The following DMD variants were observed in gnomAD, a reference collection of about 807,000 sequenced individuals.
The protein encoded by DMD is mutant dystrophin.
In DMD, 63 loss-of-function variants were observed where a neutral mutation model predicts 330.1. That is an observed-to-expected ratio of 0.19 (90% confidence interval 0.16 to 0.24). The LOEUF (loss-of-function observed/expected upper bound fraction) is 0.24, where lower values mean the gene tolerates loss of function less well. DMD is among the 10% of genes least tolerant of loss of function. DMD has a pLI of 1.00. For synonymous variants in DMD, 1,223 were observed against 959.8 expected, an observed-to-expected ratio of 1.27 and a Z score of -5.07; for missense variants, 3,344 against 2,684.1, an observed-to-expected ratio of 1.25 and a Z score of -5.43.
At chrX:32,691,084 A>G (rs1358182316) in intron 9 of DMD, among the ~76,000 whole-genome samples, 1 of 111,365 alleles carries the variant, frequency 9.0e-6, no homozygotes, top group Non-Finnish European at 1.9e-5. Flanking sequence ...ATATATTATG[A>G]GAATTATTTC....
At chrX:32,394,003 A>C (rs2098022462) in intron 30 of DMD, among the ~76,000 whole-genome samples, 1 of 111,927 alleles carries the variant, frequency 8.9e-6, no homozygotes, top group Admixed American at 9.5e-5. Context: ...GCACTCTAAT[A>C]AAAATAGTTT....
intron 44 of DMD, chrX:32,206,207 G>A: frequency 2.0e-6 from 1 of 512,229 alleles, no homozygotes; most frequent in Non-Finnish European, 3.6e-6. Context: ...GTGGTTCAGG[G>A]CCAGTGCATG....
chrX:32,357,337 G>A (rs1023346371), intron 37 of DMD, among the ~76,000 whole-genome samples: 1 of 111,132 alleles, frequency 9.0e-6, no homozygotes, highest in Non-Finnish European at 1.9e-5. Context: ...TTCTCTAAGC[G>A]TGGTCCCTAG....
At chrX:31,725,406 A>AT in intron 52 of DMD, among the ~76,000 whole-genome samples, 1 of 110,330 alleles carries the variant, frequency 9.1e-6, no homozygotes, top group South Asian at 3.9e-4. Flanking sequence ...GGGGGGCGAA[A>AT]TAACTAAACA....
At chrX:31,584,730 T>C (rs969013594) in intron 55 of DMD, among the ~76,000 whole-genome samples, 7 of 111,147 alleles carry the variant, frequency 6.3e-5, no homozygotes, top group Admixed American at 9.6e-5. Flanking sequence ...GAATTGACAC[T>C]AGGTACAGGT....
chrX:31,987,367 C>T (rs1235763624), intron 44 of DMD, among the ~76,000 whole-genome samples: 1 of 111,641 alleles, frequency 9.0e-6, no homozygotes, highest in Non-Finnish European at 1.9e-5. Context: ...AGTCTCCATA[C>T]TATGCAACAG....
chrX:31,421,711 C>T (rs984468153), intron 60 of DMD, among the ~76,000 whole-genome samples: 3 of 109,137 alleles, frequency 2.7e-5, no homozygotes, highest in Non-Finnish European at 3.8e-5. Context: ...TAGTGAAGAG[C>T]GTTGAATTGT....
intron 1 of DMD, among the ~76,000 whole-genome samples, chrX:33,109,051 G>C (rs1377794273): frequency 9.2e-6 from 1 of 109,009 alleles, no homozygotes; most frequent in Non-Finnish European, 1.9e-5. Flanking sequence ...TGGCTTGTTT[G>C]ACCACATTTT....
intron 7 of DMD, among the ~76,000 whole-genome samples, chrX:32,794,358 G>T (rs2748303): frequency 9.0e-6 from 1 of 110,804 alleles, no homozygotes; most frequent in Non-Finnish European, 1.9e-5. Flanking sequence ...GGGAGGCAGA[G>T]GTGGGTGGAT....
At chrX:33,002,849 CGA>C (rs1491511683) in intron 2 of DMD, among the ~76,000 whole-genome samples, 7 of 14,823 alleles carry the variant, frequency 4.7e-4, no homozygotes, top group African/African-American at 2.0e-3. Flanking sequence ...ATTTTTTTCT[CGA>C]AAAAAAAAAA....
chrX:33,079,404 C>A (rs1054689236), intron 1 of DMD, among the ~76,000 whole-genome samples: 9 of 111,622 alleles, frequency 8.1e-5, no homozygotes, highest in Non-Finnish European at 1.7e-4. Flanking sequence ...AAGACACAAT[C>A]GACAAGGAAA....
At chrX:32,987,434 T>C (rs1477341394) in intron 2 of DMD, among the ~76,000 whole-genome samples, 1 of 111,308 alleles carries the variant, frequency 9.0e-6, no homozygotes, top group East Asian at 2.8e-4. Context: ...AGGAGCCAGA[T>C]GGCCCACATA....
At chrX:31,358,347 G>A (rs1281954165) in intron 60 of DMD, among the ~76,000 whole-genome samples, 1 of 111,814 alleles carries the variant, frequency 8.9e-6, no homozygotes, top group Non-Finnish European at 1.9e-5. Flanking sequence ...CATCATGGAA[G>A]TAGGTACACT....
intron 63 of DMD, among the ~76,000 whole-genome samples, chrX:31,250,263 C>T (rs1317076): frequency 1.8e-5 from 2 of 109,798 alleles, no homozygotes; most frequent in Admixed American, 9.8e-5. Context: ...ATAGGGGGTG[C>T]GAGAGACATT....
chrX:33,190,992 ATAATATATAATATT>A (rs1569558017), intron 1 of DMD, among the ~76,000 whole-genome samples: 160 of 2,239 alleles, frequency 0.071, 11 homozygotes, highest in Non-Finnish European at 0.11. Context: ...ATATATATAT[ATAATATATAATATT>A]ATATATATAT....
In DMD at chrX:32,270,411, G is replaced by C. The variant is rs147406871; in HGVS notation, c.6290+17118C>G. On this transcript the variant is annotated intron_variant, in intron 43 of 78. Transcript: ENST00000357033. The stretch of plus-strand genomic sequence containing the variant: ...ATTGTAAGTTGGGCTTTCTAACAGA[G>C]TTGTCTGTGTTTTATCAAAAATGTT... 6.2e-3 allele frequency among the ~76,000 whole-genome samples: 690 copies of C among 111,928 alleles called. 3 individuals carry two copies. The highest frequency in any genetic ancestry group is 9.8e-3 in the Non-Finnish European group (523 of 53,177).
chrX:32,841,385 G>A (rs2080143736), intron 4 of DMD, among the ~76,000 whole-genome samples: 1 of 111,716 alleles, frequency 9.0e-6, no homozygotes. Flanking sequence ...TACAAAAATA[G>A]AAAGGGCCAA....
At chrX:31,763,206 T>C (rs2089743484) in intron 51 of DMD, among the ~76,000 whole-genome samples, 1 of 112,590 alleles carries the variant, frequency 8.9e-6, no homozygotes, top group Middle Eastern at 4.2e-3. Context: ...GAAGCAGCTT[T>C]ACAAGAAAAT....
At chrX:32,102,618 C>T (rs1282734811) in intron 44 of DMD, among the ~76,000 whole-genome samples, 1 of 110,721 alleles carries the variant, frequency 9.0e-6, no homozygotes, top group South Asian at 3.8e-4. Flanking sequence ...TTTAGAATTT[C>T]GAGACAAATC....
Sources: gnomAD v4.1 joint callset for allele counts (sites outside exome capture counted in the v4.1 genomes callset) on GRCh38, gnomAD v4.1.1 for gene constraint, MANE v1.5 for transcripts, NCBI Gene and HGNC (gene_info 2026-07-23, HGNC 2026-07-21) for gene names.